STOX2: variants seen among roughly 807,000 people sequenced by gnomAD.
STOX2 encodes the protein storkhead box 2.
In STOX2, 28 loss-of-function variants were observed where a neutral mutation model predicts 60.9. The observed-to-expected ratio is 0.46, with a 90% CI of 0.34 to 0.63. The LOEUF is 0.63. Among genes scored for constraint, STOX2 ranks in the 30% least tolerant of loss-of-function variants. The pLI, the probability that STOX2 is intolerant of heterozygous loss-of-function variation, is 0.01. For synonymous variants in STOX2, 472 were observed against 463.9 expected (o/e 1.02, Z -0.22); for missense variants, 1,024 against 1,187.7 (o/e 0.86, Z 2.03).
chr4:183,929,359 G>T (rs192332672), intron 1 of STOX2, among the ~76,000 whole-genome samples: 119 of 152,312 alleles, frequency 7.8e-4, no homozygotes, highest in South Asian at 6.8e-3. Flanking sequence ...TAAAGATTTA[G>T]ATAAACGCGT....
intron 1 of STOX2, among the ~76,000 whole-genome samples, chr4:183,857,999 A>G (rs184504606): frequency 6.6e-6 from 1 of 152,314 alleles, no homozygotes; most frequent in East Asian, 1.9e-4. Context: ...ATTGGAGTAG[A>G]AGGATGAGGG....
At chr4:183,937,490 C>T (rs1348117763) in intron 1 of STOX2, among the ~76,000 whole-genome samples, 2 of 152,140 alleles carry the variant, frequency 1.3e-5, no homozygotes, top group Admixed American at 6.6e-5. Flanking sequence ...GGTCAGTGTT[C>T]GTTTTAGAGC....
chr4:183,986,142 AAAC>A (rs964602150), intron 1 of STOX2, among the ~76,000 whole-genome samples: 5 of 152,250 alleles, frequency 3.3e-5, no homozygotes, highest in African/African-American at 1.2e-4. Context: ...AAGAAAAAAA[AAAC>A]AAATACTTGA....
intron 1 of STOX2, among the ~76,000 whole-genome samples, chr4:183,826,793 C>T (rs1303181046): frequency 1.3e-5 from 2 of 152,212 alleles, no homozygotes; most frequent in Non-Finnish European, 2.9e-5. Context: ...CGTCTGGAAT[C>T]GCCAGCTGGA....
At chr4:184,000,694 A>T (rs1338594068) in intron 1 of STOX2, among the ~76,000 whole-genome samples, 2 of 152,136 alleles carry the variant, frequency 1.3e-5, no homozygotes, top group Non-Finnish European at 2.9e-5. Flanking sequence ...AACCTTGGAA[A>T]TTCCTGCTTC....
chr4:183,950,534 G>C (rs1422416231), intron 1 of STOX2, among the ~76,000 whole-genome samples: 2 of 152,198 alleles, frequency 1.3e-5, no homozygotes, highest in Non-Finnish European at 2.9e-5. Context: ...AGACAGGATG[G>C]AAAGAAGAGA....
chr4:183,963,778 C>CT (rs374409401), intron 1 of STOX2, among the ~76,000 whole-genome samples: 1,964 of 112,122 alleles, frequency 0.018, 44 homozygotes, highest in African/African-American at 0.052. Flanking sequence ...TACTGGCTTT[C>CT]TTTTTTTTTT....
intron 2 of STOX2, among the ~76,000 whole-genome samples, chr4:184,005,956 A>G (rs186380200): frequency 1.7e-4 from 26 of 152,316 alleles, no homozygotes; most frequent in African/African-American, 5.8e-4. Flanking sequence ...CAAATACTCT[A>G]TGGAAATAGA....
chr4:183,869,962 G>T (rs1024360941), intron 1 of STOX2, among the ~76,000 whole-genome samples: 1 of 152,154 alleles, frequency 6.6e-6, no homozygotes, highest in African/African-American at 2.4e-5. Flanking sequence ...TGATTCACAA[G>T]CAGGCCGTAA....
intron 1 of STOX2, among the ~76,000 whole-genome samples, chr4:183,946,553 C>T (rs745927110): frequency 1.2e-4 from 18 of 151,776 alleles, no homozygotes; most frequent in East Asian, 1.9e-4. Flanking sequence ...AAAAGGCGTT[C>T]GTGCTGAACA....
At chr4:183,915,036 G>A (rs1978777) in intron 1 of STOX2, among the ~76,000 whole-genome samples, 40,262 of 152,170 alleles carry the variant, frequency 0.26, 6,431 homozygotes, top group Non-Finnish European at 0.36. Context: ...TACCTATCCC[G>A]TTGAAAAATT....
At chr4:184,002,106 C>T (rs1241792996) in intron 2 of STOX2, among the ~76,000 whole-genome samples, 2 of 152,146 alleles carry the variant, frequency 1.3e-5, no homozygotes, top group Non-Finnish European at 2.9e-5. Context: ...GTCACCCCAC[C>T]CCCAAATGGA....
intron 1 of STOX2, among the ~76,000 whole-genome samples, chr4:183,874,236 T>C (rs1175746790): frequency 6.6e-6 from 1 of 152,246 alleles, no homozygotes; most frequent in Non-Finnish European, 1.5e-5. Context: ...TTTGGGATAT[T>C]TTCTTATCAG....
At chr4:183,847,733 C>T (rs544818801) in intron 1 of STOX2, among the ~76,000 whole-genome samples, 15 of 152,224 alleles carry the variant, frequency 9.9e-5, no homozygotes, top group South Asian at 2.1e-4. Flanking sequence ...TTCACCTGGC[C>T]GCTGTAAACC....
At chr4:183,991,409 A>C (rs1733097495) in intron 1 of STOX2, among the ~76,000 whole-genome samples, 1 of 152,022 alleles carries the variant, frequency 6.6e-6, no homozygotes, top group Non-Finnish European at 1.5e-5. Flanking sequence ...AAATTGGATA[A>C]ATCTAGATGG....
intron 1 of STOX2, among the ~76,000 whole-genome samples, chr4:183,919,546 G>A (rs1560882556): frequency 6.6e-6 from 1 of 152,170 alleles, no homozygotes; most frequent in Admixed American, 6.5e-5. Flanking sequence ...TGAAATGTCA[G>A]TATGGAAAAG....
intron 1 of STOX2, among the ~76,000 whole-genome samples, chr4:183,803,386 A>T (rs1013810134): frequency 1.3e-5 from 2 of 151,468 alleles, no homozygotes; most frequent in Non-Finnish European, 2.9e-5. Flanking sequence ...TAGAATTATT[A>T]AAAAAAAATG....
intron 1 of STOX2, among the ~76,000 whole-genome samples, chr4:183,965,776 G>A (rs1743548505): frequency 1.3e-5 from 2 of 152,096 alleles, no homozygotes; most frequent in Admixed American, 1.3e-4. Flanking sequence ...AAAACCTAAA[G>A]CAAAAGAAAG....
chr4:183,963,463 G>A (rs980648160), intron 1 of STOX2, among the ~76,000 whole-genome samples: 25 of 150,230 alleles, frequency 1.7e-4, no homozygotes, highest in African/African-American at 5.2e-4. Context: ...GTCTTGCACT[G>A]TCACCCAGGC....
Sources: allele counts gnomAD v4.1 joint callset (sites outside exome capture counted in the v4.1 genomes callset), GRCh38; gene constraint gnomAD v4.1.1; transcripts MANE v1.5; gene names NCBI Gene and HGNC (gene_info 2026-07-23, HGNC 2026-07-21).